The following TRIM36 variants were observed in gnomAD, a reference collection of about 807,000 sequenced individuals.
TRIM36 encodes the protein tripartite motif containing 36, also known as E3 ubiquitin-protein ligase TRIM36.
A neutral mutation model predicts 72.4 loss-of-function variants in TRIM36; 42 were observed. The observed-to-expected ratio is 0.58, with a 90% CI of 0.45 to 0.75. The LOEUF is 0.75. Ranked by LOEUF, TRIM36 falls within the 30% of genes least tolerant of loss-of-function variation. TRIM36 has a pLI of 0.00. For missense variants in TRIM36, 913 were observed against 857.1 expected (o/e 1.07, Z -0.81); for synonymous variants, 315 against 282.8 (o/e 1.11, Z -1.14).
intron 1 of TRIM36, chr5:115,177,711 TC>T: frequency 6.2e-7 from 1 of 1,613,474 alleles, no homozygotes; most frequent in Non-Finnish European, 8.5e-7. Flanking sequence ...AGACCAACTC[TC>T]CCCCTCCAAC....
intron 5 of TRIM36, 151 bp from the exon 6 acceptor site, chr5:115,137,767 A>G: frequency 2.3e-6 from 2 of 869,264 alleles, no homozygotes; most frequent in Non-Finnish European, 3.3e-6. Context: ...CAACCTAGAT[A>G]TTATAAAGAA....
In TRIM36 at chr5:115,128,684, G is replaced by A. The variant is rs187647743; in HGVS notation, c.1797-1827C>T. Among the ~76,000 whole-genome samples, 757 of 138,150 alleles carry A rather than the reference G, an allele frequency of 5.5e-3. 6 individuals are homozygous for A. The highest frequency in any genetic ancestry group is 0.019 in the Middle Eastern group (4 of 216). 90.6% of individuals were successfully genotyped at this position (138,150 alleles called of 152,430 possible). A position where few individuals can be genotyped will look rare whatever the true frequency, so the allele number is the denominator to read the frequency against. ...GGAGAATGGCGTGAACCCAGGAAGC[G>A]GAGCTTGCAGTGAGCTGAGATTGCG... On this transcript the variant is annotated intron_variant, in intron 9 of 9. Coordinates refer to ENST00000513154, the MANE Select transcript of TRIM36 (RefSeq NM_001300759.2).
At chr5:115,164,187 G>A (rs191912268) in intron 1 of TRIM36, among the ~76,000 whole-genome samples, 1 of 152,156 alleles carries the variant, frequency 6.6e-6, no homozygotes, top group Non-Finnish European at 1.5e-5. Flanking sequence ...AATAACAGGA[G>A]CTATTAAACA....
At chr5:115,143,222 CAAAAAAAAAA>C (rs59083853) in intron 4 of TRIM36, among the ~76,000 whole-genome samples, 13 of 57,492 alleles carry the variant, frequency 2.3e-4, no homozygotes, top group African/African-American at 4.8e-4. Context: ...ACCAGCCAGA[CAAAAAAAAAA>C]AAAAAAAAAA....
rs1337454745 is a variant in TRIM36 at position 115,125,202 on chromosome 5, T to C, written c.*1301A>G. On this transcript the variant is annotated 3_prime_UTR_variant, in exon 10 of 10. Transcript: ENST00000513154. ...GTTAAAACATGTCAAAAGCATTCCA[T>C]AAATGATTACTGCTACAATGCATAA... 6.6e-6 allele frequency: 1 copy of C among 152,128 alleles called. No homozygotes were observed. Among genetic ancestry groups the C allele is most frequent in the Non-Finnish European group, 1.5e-5 (1 of 67,974 alleles). The allele number at this position is 152,128 out of a possible 1,614,324, so 9.4% of individuals were successfully genotyped here. A position where few individuals can be genotyped will look rare whatever the true frequency, so the allele number is the denominator to read the frequency against.
upstream of TRIM36, among the ~76,000 whole-genome samples, chr5:115,170,813 G>T (rs1207157774): frequency 6.6e-6 from 1 of 152,238 alleles, no homozygotes; most frequent in Non-Finnish European, 1.5e-5. Context: ...GGCCAGGACA[G>T]AGGGTCCTGA....
At chr5:115,147,564 T>A (rs141740373) in intron 2 of TRIM36, among the ~76,000 whole-genome samples, 170 bp from the exon 3 acceptor site, 126 of 152,288 alleles carry the variant, frequency 8.3e-4, no homozygotes, top group African/African-American at 2.9e-3. Context: ...AATTTTTCCT[T>A]AGTATACAAA....
intron 8 of TRIM36, among the ~76,000 whole-genome samples, chr5:115,132,466 A>T (rs1752742460): frequency 6.6e-6 from 1 of 150,666 alleles, no homozygotes; most frequent in Non-Finnish European, 1.5e-5. Flanking sequence ...AACCCAGGAG[A>T]CAGAGGTTGC....
At position 115,167,774 on chromosome 5, in the gene TRIM36, A is replaced by G. The variant is rs937388876; in HGVS notation, c.27+1834T>C. Among the ~76,000 whole-genome samples the G allele has an allele frequency of 5.9e-5, 9 of 152,156 alleles. No homozygotes were observed. In the South Asian group the frequency reaches 1.9e-3, roughly 31 times the overall value. ...TATTCAGTTCCAAAGTCACTTCCACATTGTTGGGTATCTTTACAGCAGTGC... is the reference window on the plus strand; with the variant it reads ...TATTCAGTTCCAAAGTCACTTCCACGTTGTTGGGTATCTTTACAGCAGTGC... On this transcript the variant is annotated intron_variant, in intron 1 of 9. Transcript: ENST00000513154.
At chr5:115,165,079 C>G in intron 1 of TRIM36, among the ~76,000 whole-genome samples, 1 of 152,358 alleles carries the variant, frequency 6.6e-6, no homozygotes, top group South Asian at 2.1e-4. Flanking sequence ...AAAGGGTGGA[C>G]TGCCATGGCC....
chr5:115,165,609 CT>C (rs1204823996), intron 1 of TRIM36, among the ~76,000 whole-genome samples: 2 of 152,200 alleles, frequency 1.3e-5, no homozygotes, highest in Non-Finnish European at 2.9e-5. Flanking sequence ...GGAGCAGCTG[CT>C]GCAAAGATGC....
chr5:115,143,222 C>CAAAAAA lies in TRIM36; in HGVS notation c.735+1370_735+1375dup, dbSNP rs59083853. Among the ~76,000 whole-genome samples, 51 of 57,494 alleles carry CAAAAAA rather than the reference C, an allele frequency of 8.9e-4. 1 individual carries two copies. Among genetic ancestry groups the CAAAAAA allele is most frequent in the African/African-American group, 1.7e-3 (21 of 12,496 alleles). The allele number at this position is 57,494 out of a possible 152,430, so 37.7% of individuals were successfully genotyped here. ...GAGTGCCTGTTCCCCACCAGCCAGA[C>CAAAAAA]AAAAAAAAAAAAAAAAAAAAAAAAA... On this transcript the variant is annotated intron_variant, in intron 4 of 9. Transcript: ENST00000513154.
At chr5:115,141,990 GT>G (rs1753302436) in intron 4 of TRIM36, among the ~76,000 whole-genome samples, 2 of 152,204 alleles carry the variant, frequency 1.3e-5, no homozygotes, top group East Asian at 3.9e-4. Context: ...ACCATCCTAA[GT>G]TTTGGTGAGA....
upstream of TRIM36, among the ~76,000 whole-genome samples, chr5:115,172,217 T>C (rs1755146821): frequency 6.6e-6 from 1 of 152,156 alleles, no homozygotes. Context: ...ACAGCTTATC[T>C]CAAGGGACAT....
chr5:115,153,093 G>T (rs987118945), intron 2 of TRIM36, among the ~76,000 whole-genome samples: 4 of 152,096 alleles, frequency 2.6e-5, no homozygotes, highest in Admixed American at 2.6e-4. Context: ...ACAAAGAATT[G>T]CAGAATAAGT....
intron 7 of TRIM36, among the ~76,000 whole-genome samples, 185 bp from the exon 8 acceptor site, chr5:115,134,332 G>C (rs1389643976): frequency 6.6e-6 from 1 of 151,506 alleles, no homozygotes; most frequent in East Asian, 1.9e-4. Context: ...ATATTTAAAA[G>C]GTATATCTAT....
intron 5 of TRIM36, among the ~76,000 whole-genome samples, chr5:115,138,860 G>T (rs192016668): frequency 0.011 from 1,677 of 152,148 alleles, 37 homozygotes; most frequent in African/African-American, 0.038. Context: ...CTGTCGCCCA[G>T]GCTGTAGTGC....
intron 7 of TRIM36, 74 bp downstream of exon 7, chr5:115,136,926 A>C (rs974153619): frequency 7.2e-7 from 1 of 1,393,864 alleles, no homozygotes; most frequent in African/African-American, 1.5e-5. Flanking sequence ...CAAATTTAAG[A>C]GAACTTGTGT....
chr5:115,129,860 A>G (rs1752555535), intron 9 of TRIM36, among the ~76,000 whole-genome samples: 1 of 152,184 alleles, frequency 6.6e-6, no homozygotes, highest in African/African-American at 2.4e-5. Context: ...TACTGCATCA[A>G]CAACGTTTAC....
Sources: allele counts gnomAD v4.1 joint callset (sites outside exome capture counted in the v4.1 genomes callset), GRCh38; gene constraint gnomAD v4.1.1; transcripts MANE v1.5; gene names NCBI Gene and HGNC (gene_info 2026-07-23, HGNC 2026-07-21).